ZHX3: variants seen among roughly 807,000 people sequenced by gnomAD.
ZHX3 encodes the protein zinc fingers and homeoboxes 3.
Under a neutral mutation model 64.5 loss-of-function variants are expected in ZHX3, and 20 were observed. The ratio of observed to expected loss-of-function variants is 0.31; its 90% confidence interval spans 0.22 to 0.45. The LOEUF (loss-of-function observed/expected upper bound fraction) is 0.45, where lower values mean the gene tolerates loss of function less well. Among genes scored for constraint, ZHX3 ranks in the 20% least tolerant of loss-of-function variants. The pLI is 1.00. For synonymous variants in ZHX3, 423 were observed against 461.6 expected (o/e 0.92, Z 1.07); for missense variants, 1,041 against 1,195.8 (o/e 0.87, Z 1.91).
intron 2 of ZHX3, among the ~76,000 whole-genome samples, chr20:41,243,330 G>A (rs753819858): frequency 1.3e-5 from 2 of 152,042 alleles, no homozygotes; most frequent in South Asian, 2.1e-4. Context: ...TAAGATTGCC[G>A]CTATCAAGGT....
At chr20:41,227,530 A>G (rs2040348368) in intron 2 of ZHX3, among the ~76,000 whole-genome samples, 1 of 152,224 alleles carries the variant, frequency 6.6e-6, no homozygotes, top group Non-Finnish European at 1.5e-5. Flanking sequence ...TGATACACTC[A>G]GGAGAGTACT....
At chr20:41,284,907 A>T (rs1291748463) in intron 1 of ZHX3, among the ~76,000 whole-genome samples, 1 of 152,152 alleles carries the variant, frequency 6.6e-6, no homozygotes, top group Non-Finnish European at 1.5e-5. Context: ...CCTAGATACA[A>T]GCATTCACTT....
At chr20:41,317,089 C>G (rs889759143) in intron 1 of ZHX3, 2 of 152,502 alleles carry the variant, frequency 1.3e-5, no homozygotes, top group Non-Finnish European at 2.9e-5. Context: ...CGGGTGCACA[C>G]GCGGAACGCA....
intron 2 of ZHX3, among the ~76,000 whole-genome samples, chr20:41,251,263 T>C (rs542462146): frequency 6.6e-6 from 1 of 152,088 alleles, no homozygotes; most frequent in East Asian, 1.9e-4. Context: ...CTGGGCAACA[T>C]AGCAAGACTC....
At chr20:41,235,117 C>G (rs2040880001) in intron 2 of ZHX3, among the ~76,000 whole-genome samples, 1 of 152,174 alleles carries the variant, frequency 6.6e-6, no homozygotes, top group South Asian at 2.1e-4. Context: ...TTGCAGCAAA[C>G]TCGGTGTGTG....
chr20:41,316,555 C>T (rs751113490), intron 1 of ZHX3, among the ~76,000 whole-genome samples: 2 of 152,110 alleles, frequency 1.3e-5, no homozygotes, highest in East Asian at 1.9e-4. Flanking sequence ...GACGTGTGGA[C>T]GCCTCATGAA....
chr20:41,252,933 C>T (rs921701924), intron 2 of ZHX3, among the ~76,000 whole-genome samples: 2 of 152,114 alleles, frequency 1.3e-5, no homozygotes, highest in Non-Finnish European at 2.9e-5. Flanking sequence ...AATTAACAGT[C>T]GACAGGACAT....
At chr20:41,227,353 G>A (rs527717080) in intron 2 of ZHX3, among the ~76,000 whole-genome samples, 5 of 152,292 alleles carry the variant, frequency 3.3e-5, no homozygotes, top group Admixed American at 1.3e-4. Context: ...AATCTAAAAC[G>A]CAATAAAGTC....
chr20:41,220,373 G>A (rs766256120), intron 2 of ZHX3, among the ~76,000 whole-genome samples: 38 of 152,348 alleles, frequency 2.5e-4, no homozygotes, highest in Middle Eastern at 6.8e-3. Context: ...TGGAGAGCTA[G>A]AAAGGATTCA....
chr20:41,238,871 A>C (rs1409213272), intron 2 of ZHX3: 1 of 152,078 alleles, frequency 6.6e-6, no homozygotes, highest in Non-Finnish European at 1.5e-5. Flanking sequence ...AAGAAACCTA[A>C]TTTGAAAGGG....
intron 1 of ZHX3, among the ~76,000 whole-genome samples, chr20:41,271,223 G>T (rs1250261540): frequency 6.6e-6 from 1 of 152,168 alleles, no homozygotes; most frequent in East Asian, 1.9e-4. Context: ...GTTTCACCAT[G>T]TTGGCCAGAT....
At position 41,202,674 on chromosome 20, in the gene ZHX3, G is replaced by A; in HGVS notation, c.2243C>T (p.Ala748Val). The change falls in exon 3 of 4, where the codon GCC becomes GTC. Residue 748 changes from alanine to valine, a missense_variant. Ala to Val is a moderately conservative substitution (Grantham distance 64). Coordinates refer to ENST00000683867, the MANE Select transcript of ZHX3 (RefSeq NM_001384317.1). This position sits in a 1 kb window ranked among gnomAD's most constrained non-coding sequence, Gnocchi z 7.0. ...TGACTCATCATCCTCAGGGTCACAG[G>A]CACCCAGCCCTGGAATCTCGTTCCT... The part of the protein sequence containing the change: ...NGRNEIPGLG[A>V]CDPEDDESNK... 1.2e-6 allele frequency: 2 copies of A among 1,614,076 alleles called. No individual in the cohort carries two copies. The highest frequency in any genetic ancestry group is 1.7e-6 in the Non-Finnish European group (2 of 1,180,024).
Position 41,185,147 on chromosome 20 carries a change from C to A in ZHX3, c.*44G>T. 2 of 1,599,232 alleles carry A rather than the reference C, an allele frequency of 1.3e-6. No individual in the cohort carries two copies. The highest frequency in any genetic ancestry group is 1.1e-5 in the South Asian group (1 of 88,964). On this transcript the variant is annotated 3_prime_UTR_variant, in exon 4 of 4. Coordinates refer to ENST00000683867, the MANE Select transcript of ZHX3 (RefSeq NM_001384317.1). The surrounding 1 kb of genome is among the most constrained non-coding windows in gnomAD (Gnocchi z 5.0). ...GGGTTTGGCTCTTCCACGTGGCAGG[C>A]GGTTTCCCAGACTGGCCAGTCCTTC... is the stretch of plus-strand genomic sequence containing the variant.
Position 41,195,445 on chromosome 20 carries a change from C to T in ZHX3, c.2860+6612G>A, listed in dbSNP as rs1298702889. On this transcript the variant is annotated intron_variant, in intron 3 of 3. Transcript: ENST00000683867. The surrounding 1 kb of genome is among the most constrained non-coding windows in gnomAD (Gnocchi z 4.2). Reference sequence around the variant, plus strand: ...TTTTTTATTTTTTGAGAAGGAGTTTCGCTCTTGTTGCCCAGGCTGGAGTGC... The same window carrying T: ...TTTTTTATTTTTTGAGAAGGAGTTTTGCTCTTGTTGCCCAGGCTGGAGTGC... 2.6e-5 allele frequency among the ~76,000 whole-genome samples: 4 copies of T among 151,936 alleles called. No individual in the cohort carries two copies. The highest frequency in any genetic ancestry group is 4.8e-5 in the African/African-American group (2 of 41,358).
At chr20:41,249,593 G>T (rs2041885680) in intron 2 of ZHX3, among the ~76,000 whole-genome samples, 1 of 152,164 alleles carries the variant, frequency 6.6e-6, no homozygotes, top group Admixed American at 6.5e-5. Flanking sequence ...AGATATCAAG[G>T]TCGTTGGGAG....
At chr20:41,279,559 AT>A (rs1257865104) in intron 1 of ZHX3, among the ~76,000 whole-genome samples, 1 of 152,198 alleles carries the variant, frequency 6.6e-6, no homozygotes, top group Non-Finnish European at 1.5e-5. Context: ...CTTCTTGTTC[AT>A]CATAAATAAT....
At chr20:41,192,807 G>A (rs911435648) in intron 3 of ZHX3, among the ~76,000 whole-genome samples, 4 of 152,188 alleles carry the variant, frequency 2.6e-5, no homozygotes, top group East Asian at 1.9e-4. Flanking sequence ...TGCGAGCTCC[G>A]TTCTGGAGCA....
chr20:41,291,157 C>T (rs1358260229), intron 1 of ZHX3, among the ~76,000 whole-genome samples: 36 of 152,170 alleles, frequency 2.4e-4, no homozygotes, highest in African/African-American at 4.8e-5. Context: ...TTTCCCCACA[C>T]GGAGCTGAGA....
chr20:41,308,175 C>T (rs909802), intron 1 of ZHX3, among the ~76,000 whole-genome samples: 87,560 of 152,062 alleles, frequency 0.58, 26,462 homozygotes, highest in East Asian at 0.82. Flanking sequence ...AAGGGAACAA[C>T]ACTCTGAATT....
Sources: allele counts gnomAD v4.1 joint callset (sites outside exome capture counted in the v4.1 genomes callset), GRCh38; gene constraint gnomAD v4.1.1; non-coding constraint Gnocchi (gnomAD v3.1); transcripts MANE v1.5; gene names NCBI Gene and HGNC (gene_info 2026-07-23, HGNC 2026-07-21).